EEA1: variants seen among roughly 807,000 people sequenced by gnomAD.
EEA1 encodes early endosome antigen 1, 162kD.
Under a neutral mutation model 209.2 loss-of-function variants are expected in EEA1, and 111 were observed. That is an observed-to-expected ratio of 0.53 (90% confidence interval 0.45 to 0.62). The LOEUF is 0.62. EEA1 is among the 20% of genes least tolerant of loss of function. The pLI is 0.00. For synonymous variants in EEA1, 536 were observed against 540.6 expected (o/e 0.99, Z 0.12); for missense variants, 1,343 against 1,530.8 (o/e 0.88, Z 2.05).
At chr12:92,862,197 GATACA>G (rs1312567338) in intron 3 of EEA1, among the ~76,000 whole-genome samples, 3 of 146,532 alleles carry the variant, frequency 2.0e-5, no homozygotes, top group African/African-American at 5.1e-5. Context: ...GGGAAGAAGA[GATACA>G]ATACAATAAA....
intron 2 of EEA1, among the ~76,000 whole-genome samples, chr12:92,866,760 G>C (rs1180431777): frequency 6.6e-6 from 1 of 152,076 alleles, no homozygotes; most frequent in Non-Finnish European, 1.5e-5. Flanking sequence ...CATCCCACAG[G>C]CATCTCAAAT....
chr12:92,780,720 C>T (rs1194061615), intron 23 of EEA1, among the ~76,000 whole-genome samples: 1 of 152,066 alleles, frequency 6.6e-6, no homozygotes, highest in African/African-American at 2.4e-5. Context: ...CTATCACTAT[C>T]TTTATATAAG....
chr12:92,928,288 T>C (rs893771374), intron 1 of EEA1, among the ~76,000 whole-genome samples: 2 of 152,234 alleles, frequency 1.3e-5, no homozygotes, highest in Non-Finnish European at 2.9e-5. Context: ...CTCTAATCTT[T>C]CTATCCTCAA....
At chr12:92,904,899 T>A (rs1466820640) in intron 1 of EEA1, among the ~76,000 whole-genome samples, 1 of 152,210 alleles carries the variant, frequency 6.6e-6, no homozygotes, top group Non-Finnish European at 1.5e-5. Context: ...TTAAAGTTTT[T>A]ACAGAGGTTC....
intron 14 of EEA1, among the ~76,000 whole-genome samples, chr12:92,816,813 T>C (rs1249326743): frequency 6.9e-6 from 1 of 145,982 alleles, no homozygotes; most frequent in Non-Finnish European, 1.5e-5. Flanking sequence ...ACTGATTTGG[T>C]TAAGTAATAA....
At chr12:92,867,478 T>C (rs1878454427) in intron 2 of EEA1, among the ~76,000 whole-genome samples, 1 of 152,128 alleles carries the variant, frequency 6.6e-6, no homozygotes, top group African/African-American at 2.4e-5. Flanking sequence ...AAAGAAGATC[T>C]TTAATAGCTT....
At chr12:92,902,360 G>A (rs1318307648) in intron 1 of EEA1, among the ~76,000 whole-genome samples, 2 of 152,176 alleles carry the variant, frequency 1.3e-5, no homozygotes, top group Non-Finnish European at 2.9e-5. Flanking sequence ...CCCTGGATGC[G>A]CAAGGTAACA....
intron 2 of EEA1, among the ~76,000 whole-genome samples, chr12:92,876,839 A>T (rs1413072281): frequency 2.7e-5 from 4 of 150,852 alleles, no homozygotes; most frequent in African/African-American, 9.7e-5. Flanking sequence ...CCAAAAAAAA[A>T]AAAAAAAGAT....
intron 10 of EEA1, among the ~76,000 whole-genome samples, chr12:92,841,626 T>C (rs1013565643): frequency 6.6e-6 from 1 of 152,048 alleles, no homozygotes; most frequent in Non-Finnish European, 1.5e-5. Context: ...CATTAAAAAA[T>C]GTTCAACAAC....
chr12:92,801,551 A>G, intron 20 of EEA1, 49 bp downstream of exon 20: 1 of 1,191,106 alleles, frequency 8.4e-7, no homozygotes, highest in Non-Finnish European at 1.2e-6. Flanking sequence ...GAAAATATAA[A>G]GACCTTACTA....
At chr12:92,900,172 C>T (rs555683288) in intron 1 of EEA1, among the ~76,000 whole-genome samples, 4 of 152,136 alleles carry the variant, frequency 2.6e-5, no homozygotes, top group Non-Finnish European at 5.9e-5. Flanking sequence ...GTAGTTAGCA[C>T]CCTGACTGTT....
At chr12:92,790,629 G>A (rs1415022404) in intron 21 of EEA1, among the ~76,000 whole-genome samples, 3 of 152,190 alleles carry the variant, frequency 2.0e-5, no homozygotes, top group African/African-American at 4.8e-5. Context: ...TGTGTGAAAA[G>A]ACCAAATCTA....
At chr12:92,780,150 C>T in intron 24 of EEA1, 130 bp downstream of exon 24, 1 of 953,920 alleles carries the variant, frequency 1.0e-6, no homozygotes, top group Admixed American at 3.1e-5. Flanking sequence ...GAGTATTTGT[C>T]AGAAACAACA....
intron 2 of EEA1, among the ~76,000 whole-genome samples, chr12:92,874,351 A>C (rs1394859627): frequency 1.3e-5 from 2 of 152,034 alleles, no homozygotes; most frequent in African/African-American, 2.4e-5. Context: ...AAAAAAGAAA[A>C]AGAAAATATG....
At position 92,790,973 on chromosome 12, in the gene EEA1, T is replaced by A. The variant is rs913457897; in HGVS notation, c.2968-2924A>T. Reference sequence around the variant, plus strand: ...AAGAGAGTGGGGGCCAATATTCAACTTTCTTAAAGAAAACAATTTTCAACC... The same window carrying A: ...AAGAGAGTGGGGGCCAATATTCAACATTCTTAAAGAAAACAATTTTCAACC... On this transcript the variant is annotated intron_variant, in intron 21 of 28. Coordinates refer to ENST00000322349, the MANE Select transcript of EEA1 (RefSeq NM_003566.4). Among the ~76,000 whole-genome samples, 17 of 152,110 alleles carry A rather than the reference T, an allele frequency of 1.1e-4. No individual in the cohort carries two copies. The South Asian group carries it at 1.2e-3, about 11-fold the overall frequency.
Position 92,929,033 on chromosome 12 carries a change from A to C in EEA1, c.24+10T>G. ...CACGTGCTGCCAGAAAGACGGTTTC[A>C]CTCTCTTACCCTCTGTAAAATCCTC... On this transcript the variant is annotated intron_variant, in intron 1 of 28. Coordinates refer to ENST00000322349, the MANE Select transcript of EEA1 (RefSeq NM_003566.4). 1 of 1,589,566 alleles carries C rather than the reference A, an allele frequency of 6.3e-7. No homozygotes were observed. Among genetic ancestry groups the C allele is most frequent in the Non-Finnish European group, 8.6e-7 (1 of 1,169,168 alleles).
chr12:92,911,759 T>C (rs1880591328), intron 1 of EEA1, among the ~76,000 whole-genome samples: 2 of 152,228 alleles, frequency 1.3e-5, no homozygotes, highest in African/African-American at 2.4e-5. Context: ...GAAATCTCTG[T>C]AACCTTCACT....
intron 11 of EEA1, among the ~76,000 whole-genome samples, chr12:92,829,792 A>AAC (rs1876529495): frequency 7.2e-6 from 1 of 138,470 alleles, no homozygotes; most frequent in Non-Finnish European, 1.5e-5. Flanking sequence ...AAAAAAAAAA[A>AAC]AAAACAAAAA....
At chr12:92,819,196 C>T in intron 14 of EEA1, 112 bp downstream of exon 14, 1 of 995,340 alleles carries the variant, frequency 1.0e-6, no homozygotes, top group Non-Finnish European at 1.4e-6. Context: ...ATATATAACA[C>T]TTAAAATGTG....
Sources: gnomAD v4.1 joint callset for allele counts (sites outside exome capture counted in the v4.1 genomes callset) on GRCh38, gnomAD v4.1.1 for gene constraint, MANE v1.5 for transcripts, NCBI Gene and HGNC (gene_info 2026-07-23, HGNC 2026-07-21) for gene names.